The following OBP2B variants were observed in gnomAD, a reference collection of about 807,000 sequenced individuals.
OBP2B encodes odorant-binding protein 2b.
A neutral mutation model predicts 21.7 loss-of-function variants in OBP2B; 10 were observed. The ratio of observed to expected loss-of-function variants is 0.46; its 90% CI spans 0.28 to 0.78. The LOEUF (loss-of-function observed/expected upper bound fraction) is 0.78, where lower values mean the gene tolerates loss of function less well. Ranked by LOEUF, OBP2B falls within the 30% of genes least tolerant of loss-of-function variation. The pLI is 0.11. For synonymous variants in OBP2B, 73 were observed against 91.5 expected (o/e 0.80, Z 1.16); for missense variants, 153 against 217.7 (o/e 0.70, Z 1.87).
At chr9:133,209,294 C>G (rs1199699976), upstream of OBP2B, 2 of 1,179,622 alleles carry the variant, frequency 1.7e-6, no homozygotes. This position sits in a 1 kb window ranked among gnomAD's most constrained non-coding sequence, Gnocchi z 6.0. Context: ...AGCCCCCTGG[C>G]CAGTGTCCTG....
At chr9:133,217,607 C>T in the OBP2B span, among the ~76,000 whole-genome samples, 26 of 152,332 alleles carry the variant, frequency 1.7e-4, no homozygotes, top group African/African-American at 6.3e-4. Flanking sequence ...GATTCAGTGG[C>T]ATCTGCACCT....
intron 3 of OBP2B, 67 bp from the exon 4 acceptor site, chr9:133,207,403 G>A (rs376423865): frequency 6.3e-5 from 71 of 1,118,660 alleles, no homozygotes; most frequent in Non-Finnish European, 8.3e-5. Flanking sequence ...AGAAACACTC[G>A]GGAATGTTTC....
chr9:133,220,859 G>A, the OBP2B span, among the ~76,000 whole-genome samples: 492 of 150,124 alleles, frequency 3.3e-3, no homozygotes, highest in Middle Eastern at 7.0e-3. Context: ...GGAGAGAGAG[G>A]AGGGTGAGGA....
chr9:133,215,069 C>T, the OBP2B span, among the ~76,000 whole-genome samples: 4 of 152,114 alleles, frequency 2.6e-5, no homozygotes, highest in Admixed American at 6.5e-5. Context: ...AACTATTAAG[C>T]GAGTTCAGCA....
chr9:133,220,908 T>C, the OBP2B span, among the ~76,000 whole-genome samples: 1 of 152,198 alleles, frequency 6.6e-6, no homozygotes, highest in Non-Finnish European at 1.5e-5. Flanking sequence ...GAGGCTGTGC[T>C]GCTGGCTTTG....
chr9:133,207,628 C>G (rs1366085771), intron 3 of OBP2B, among the ~76,000 whole-genome samples: 1 of 152,112 alleles, frequency 6.6e-6, no homozygotes, highest in African/African-American at 2.4e-5. Flanking sequence ...CATCTTCCCC[C>G]TCAGCCTCCC....
the OBP2B span, among the ~76,000 whole-genome samples, chr9:133,221,459 A>G: frequency 1.7e-4 from 26 of 152,164 alleles, no homozygotes; most frequent in Non-Finnish European, 1.0e-4. Context: ...AAGTGACACC[A>G]CAATTCCCTA....
At chr9:133,218,108 C>A in the OBP2B span, among the ~76,000 whole-genome samples, 1 of 152,208 alleles carries the variant, frequency 6.6e-6, no homozygotes, top group African/African-American at 2.4e-5. Flanking sequence ...AGGAACAGCC[C>A]CGCCAAGGTG....
the OBP2B span, among the ~76,000 whole-genome samples, chr9:133,222,387 C>T: frequency 7.9e-5 from 12 of 152,352 alleles, no homozygotes; most frequent in Non-Finnish European, 7.4e-5. Context: ...CCTGTGACTC[C>T]TTCCTCTGCC....
chr9:133,219,817 T>C, the OBP2B span, among the ~76,000 whole-genome samples: 3 of 152,164 alleles, frequency 2.0e-5, no homozygotes, highest in African/African-American at 7.2e-5. Flanking sequence ...CATGAAAACA[T>C]TTATGCACAA....
upstream of OBP2B, among the ~76,000 whole-genome samples, chr9:133,211,039 A>C (rs1221900850): frequency 5.9e-5 from 9 of 152,238 alleles, no homozygotes; most frequent in African/African-American, 1.9e-4. Context: ...TTTTCTTTGA[A>C]TCTCACAGTG....
At chr9:133,216,749 GA>G in the OBP2B span, among the ~76,000 whole-genome samples, 103 of 147,124 alleles carry the variant, frequency 7.0e-4, no homozygotes, top group Non-Finnish European at 1.2e-3. Flanking sequence ...TGCTGCACAG[GA>G]AAAAAAAAAG....
intron 3 of OBP2B, chr9:133,207,772 C>G (rs1196501380): frequency 9.4e-7 from 1 of 1,062,534 alleles, no homozygotes; most frequent in Non-Finnish European, 1.3e-6. Flanking sequence ...GCCTCCCCAT[C>G]CTTAACCCTC....
the OBP2B span, among the ~76,000 whole-genome samples, chr9:133,214,782 A>T: frequency 6.6e-6 from 1 of 152,392 alleles, no homozygotes; most frequent in African/African-American, 2.4e-5. Flanking sequence ...AAAGGAAAAA[A>T]GTTTTTAAGC....
rs782276020 is a variant in OBP2B at position 133,208,159 on chromosome 9, G to A, written c.251C>T (p.Thr84Met). 6.7e-5 allele frequency: 108 copies of A among 1,611,628 alleles called. No individual in the cohort carries two copies. The highest frequency in any genetic ancestry group is 2.3e-4 in the Middle Eastern group (1 of 4,430). Residue 84 changes from threonine (T) to methionine (M), a missense_variant, in exon 3 of 7, where the codon ACG becomes ATG. Thr to Met is a moderately conservative substitution (Grantham distance 81). Transcript: ENST00000372034. ...GGCGCTGTATTTGCCAGGCTCCTCC[G>A]TCTTCCGCATCAGGATTTTCTTCTG... is the stretch of plus-strand genomic sequence containing the variant. ...CIQKKILMRKTEEPGKYSAYG... is the reference protein window; with the variant it reads ...CIQKKILMRKMEEPGKYSAYG...
upstream of OBP2B, among the ~76,000 whole-genome samples, chr9:133,212,450 T>C (rs1399407854): frequency 2.6e-5 from 4 of 152,194 alleles, no homozygotes; most frequent in Non-Finnish European, 5.9e-5. Context: ...CAAGAAATTT[T>C]TAAAAATTTA....
rs200353680 is a variant in OBP2B, at chr9:133,209,018, G to A, written c.72+110C>T. On this transcript the variant is annotated intron_variant, in intron 1 of 6. Transcript: ENST00000372034. This position sits in a 1 kb window ranked among gnomAD's most constrained non-coding sequence, Gnocchi z 6.0. ...CACCACCACCCCAGGCTGGGAGCAC[G>A]GGGTCAGAAGCCAGCCTTCAGTGAC... The A allele has an allele frequency of 2.3e-3, 2,315 of 1,025,538 alleles. 2 individuals carry two copies. Among genetic ancestry groups the A allele is most frequent in the East Asian group, 0.013 (487 of 38,492 alleles). 63.5% of individuals were successfully genotyped at this position (1,025,538 alleles called of 1,614,324 possible).
chr9:133,206,132 G>A (rs1393141934), intron 5 of OBP2B, among the ~76,000 whole-genome samples, 183 bp downstream of exon 5: 1 of 151,920 alleles, frequency 6.6e-6, no homozygotes, highest in Non-Finnish European at 1.5e-5. Flanking sequence ...AGACCCCATC[G>A]CAGCCCAGAG....
rs781931373 is a variant in OBP2B, at chr9:133,207,256, C to A, written c.358G>T (p.Gly120Trp). The change falls in exon 4 of 7, where the codon GGG (glycine) becomes TGG (tryptophan). Residue 120 changes from glycine to tryptophan, a missense_variant. Gly to Trp is a radical substitution (Grantham distance 184, BLOSUM62 -2). This residue lies in a region of OBP2B where 151 missense variants were observed against 186.3 expected (regional missense o/e 0.81). Coordinates refer to ENST00000372034, the MANE Select transcript of OBP2B (RefSeq NM_014581.4). Reference protein sequence around the residue: ...YIFYCKDQHHGGLLHMGKLVG... With the variant: ...YIFYCKDQHHWGLLHMGKLVG... Reference sequence around the variant, plus strand: ...AGCTTTCCCATGTGGAGCAGGCCCCCATGGTGCTGGTCTTTGCAGTAAAAG... The same window carrying A: ...AGCTTTCCCATGTGGAGCAGGCCCCAATGGTGCTGGTCTTTGCAGTAAAAG... The A allele has an allele frequency of 1.2e-6, 2 of 1,613,918 alleles. No individual in the cohort carries two copies. Among genetic ancestry groups the A allele is most frequent in the Non-Finnish European group, 1.7e-6 (2 of 1,179,838 alleles).
Sources: allele counts gnomAD v4.1 joint callset (sites outside exome capture counted in the v4.1 genomes callset), GRCh38; gene constraint gnomAD v4.1.1; regional missense constraint gnomAD v4.1.1; non-coding constraint Gnocchi (gnomAD v3.1); transcripts MANE v1.5; gene names NCBI Gene and HGNC (gene_info 2026-07-23, HGNC 2026-07-21).